SYT14: variants seen among roughly 807,000 people sequenced by gnomAD.
SYT14 encodes synaptotagmin 14, also known as synaptotagmin-14.
In SYT14, 32 loss-of-function variants were observed where a neutral mutation model predicts 74.2. The observed-to-expected ratio is 0.43, with a 90% CI of 0.33 to 0.58. The LOEUF is 0.58. Ranked by LOEUF, SYT14 falls within the 20% of genes least tolerant of loss-of-function variation. SYT14 has a pLI of 0.05. For synonymous variants in SYT14, 298 were observed against 337.7 expected, an observed-to-expected ratio of 0.88 and a Z score of 1.29; for missense variants, 791 against 981.8, an observed-to-expected ratio of 0.81 and a Z score of 2.60.
chr1:209,953,331 G>A, intron 2 of SYT14: 1 of 1,056,714 alleles, frequency 9.5e-7, no homozygotes, highest in Non-Finnish European at 1.3e-6. Context: ...GAGAACCTTG[G>A]GAGTCCCCAC....
chr1:209,944,531 T>C (rs1293638152), intron 1 of SYT14, among the ~76,000 whole-genome samples: 1 of 152,222 alleles, frequency 6.6e-6, no homozygotes, highest in African/African-American at 2.4e-5. Flanking sequence ...AGATCTAGTT[T>C]ATTTTATGTG....
intron 9 of SYT14, 55 bp downstream of exon 8, chr1:210,159,532 C>T: frequency 6.7e-7 from 1 of 1,488,868 alleles, no homozygotes; most frequent in Non-Finnish European, 9.2e-7. Flanking sequence ...AACCAAAATA[C>T]CCTAAAACTT....
At chr1:210,031,131 C>T (rs1572184947) in intron 5 of SYT14, among the ~76,000 whole-genome samples, 2 of 140,860 alleles carry the variant, frequency 1.4e-5, no homozygotes, top group Non-Finnish European at 3.1e-5. Flanking sequence ...GGGGGTTTCT[C>T]CACGTTGCCC....
At chr1:209,984,996 T>C (rs997438619) in intron 2 of SYT14, among the ~76,000 whole-genome samples, 3 of 152,292 alleles carry the variant, frequency 2.0e-5, no homozygotes, top group Admixed American at 1.3e-4. Flanking sequence ...ACCTCCAACA[T>C]TGGGGATTAC....
intron 5 of SYT14, among the ~76,000 whole-genome samples, chr1:210,022,573 T>C (rs992562653): frequency 1.3e-5 from 2 of 152,206 alleles, no homozygotes; most frequent in Admixed American, 1.3e-4. Context: ...CCATATCTCT[T>C]AATATATTAG....
chr1:210,014,178 G>GA, intron 3 of SYT14, among the ~76,000 whole-genome samples: 1 of 152,012 alleles, frequency 6.6e-6, no homozygotes, highest in African/African-American at 2.4e-5. Context: ...GAATGCTTTT[G>GA]AAAGTATTCA....
chr1:210,133,232 C>T (rs1372397529), intron 7 of SYT14, among the ~76,000 whole-genome samples: 1 of 152,184 alleles, frequency 6.6e-6, no homozygotes, highest in Non-Finnish European at 1.5e-5. Flanking sequence ...AGGTCAGGTT[C>T]TCTGGAGAAT....
chr1:210,026,897 T>G (rs1252143863), intron 5 of SYT14, among the ~76,000 whole-genome samples: 1 of 152,128 alleles, frequency 6.6e-6, no homozygotes, highest in South Asian at 2.1e-4. Context: ...TACTAAAAAT[T>G]CTCTCTGTAT....
exon 10 of SYT14, chr1:210,169,234 T>G (rs1187467992): frequency 2.4e-4 from 34 of 139,536 alleles, no homozygotes; most frequent in Middle Eastern, 3.2e-3. Flanking sequence ...TTTTTTTTTT[T>G]TTTTTTTTTT....
intron 5 of SYT14, among the ~76,000 whole-genome samples, chr1:210,033,070 A>G (rs1286274794): frequency 5.9e-5 from 9 of 151,876 alleles, no homozygotes; most frequent in Non-Finnish European, 1.2e-4. Flanking sequence ...TATAATAGCA[A>G]AAACCTACAC....
At chr1:210,131,177 A>C (rs1232423602) in intron 7 of SYT14, among the ~76,000 whole-genome samples, 4 of 152,160 alleles carry the variant, frequency 2.6e-5, no homozygotes, top group Admixed American at 6.5e-5. Context: ...AGTTGTGTTA[A>C]TATTATCATC....
intron 2 of SYT14, among the ~76,000 whole-genome samples, chr1:210,002,079 A>G (rs1046002713): frequency 3.3e-5 from 5 of 152,224 alleles, no homozygotes; most frequent in African/African-American, 1.2e-4. Flanking sequence ...CAGCTCTCGC[A>G]GACTGGAATG....
At chr1:209,942,526 T>C (rs2078752589) in intron 1 of SYT14, among the ~76,000 whole-genome samples, 1 of 152,202 alleles carries the variant, frequency 6.6e-6, no homozygotes. Context: ...CAATTTGTGC[T>C]GCTTGGTGTC....
intron 5 of SYT14, among the ~76,000 whole-genome samples, chr1:210,069,020 A>G (rs2081346492): frequency 6.6e-6 from 1 of 151,754 alleles, no homozygotes; most frequent in African/African-American, 2.4e-5. Context: ...AATTGCTGTT[A>G]TGATTTTTTT....
intron 2 of SYT14, among the ~76,000 whole-genome samples, chr1:210,006,745 GA>G (rs2079994765): frequency 6.6e-6 from 1 of 151,750 alleles, no homozygotes; most frequent in South Asian, 2.1e-4. Context: ...ATAATGAATA[GA>G]ATAGTCTTAC....
chr1:210,133,840 CT>C (rs11341932), intron 7 of SYT14, among the ~76,000 whole-genome samples: 58,370 of 128,496 alleles, frequency 0.45, 13,779 homozygotes, highest in Non-Finnish European at 0.57. Context: ...CTTATTTACT[CT>C]TTTTTTTTTT....
intron 7 of SYT14, among the ~76,000 whole-genome samples, chr1:210,151,029 C>T (rs2083147270): frequency 6.6e-6 from 1 of 152,158 alleles, no homozygotes; most frequent in South Asian, 2.1e-4. Context: ...CTAAAAATTA[C>T]ATATACTTTA....
intron 2 of SYT14, among the ~76,000 whole-genome samples, chr1:209,962,942 T>C (rs1441650960): frequency 2.0e-5 from 3 of 152,182 alleles, no homozygotes; most frequent in Non-Finnish European, 4.4e-5. Flanking sequence ...GTTTTGCAAG[T>C]GTAAAACTAA....
intron 5 of SYT14, among the ~76,000 whole-genome samples, chr1:210,060,254 G>A (rs1001781275): frequency 8.5e-5 from 13 of 152,048 alleles, no homozygotes; most frequent in African/African-American, 3.1e-4. Context: ...AAATGTTAAG[G>A]TTAGGCAATG....
Sources: allele counts gnomAD v4.1 joint callset (sites outside exome capture counted in the v4.1 genomes callset), GRCh38; gene constraint gnomAD v4.1.1; transcripts MANE v1.5; gene names NCBI Gene and HGNC (gene_info 2026-07-23, HGNC 2026-07-21).